The following GOLGA3 variants were observed in gnomAD, a reference collection of about 807,000 sequenced individuals.
GOLGA3 encodes the protein golgin A3.
A neutral mutation model predicts 169.4 loss-of-function variants in GOLGA3; 75 were observed. That is an observed-to-expected ratio of 0.44 (90% confidence interval 0.37 to 0.54). GOLGA3 has a LOEUF of 0.54. GOLGA3 is among the 20% of genes least tolerant of loss of function. The probability of loss-of-function intolerance (pLI) is 0.00; values close to 1 mark genes in which losing one functional copy is unlikely to be tolerated. For missense variants in GOLGA3, 1,899 were observed against 1,930.0 expected (o/e 0.98, Z 0.30); for synonymous variants, 824 against 822.4 (o/e 1.00, Z -0.03).
intron 13 of GOLGA3, among the ~76,000 whole-genome samples, chr12:132,788,537 C>CA (rs1258069753): frequency 6.6e-6 from 1 of 152,176 alleles, no homozygotes; most frequent in African/African-American, 2.4e-5. Context: ...AGAAGCCAGC[C>CA]CAGGCTCAGC....
Position 132,786,488 on chromosome 12 carries a change from T to C in GOLGA3, c.2974A>G (p.Met992Val). 6.2e-7 allele frequency: 1 copy of C among 1,613,640 alleles called. No individual in the cohort carries two copies. The highest frequency in any genetic ancestry group is 8.5e-7 in the Non-Finnish European group (1 of 1,179,948). Residue 992 changes from methionine to valine, a missense_variant, in exon 15 of 24, where the codon ATG (methionine) becomes GTG (valine). Transcript: ENST00000450791. ...GSDLTSAQKEMKTKHKAYENA... is the reference protein window; with the variant it reads ...GSDLTSAQKEVKTKHKAYENA... ...TCGTAGGCCTTATGTTTGGTCTTCA[T>C]CTCCTTCTGGGCGCTGGTCAAGTCT...
rs146456029 is a variant in GOLGA3 at position 132,805,101 on chromosome 12, G to A, written c.1291-79C>T. On this transcript the variant is annotated intron_variant, in intron 6 of 23. Coordinates refer to ENST00000450791, the MANE Select transcript of GOLGA3 (RefSeq NM_001389683.1). ...CAGTGTATTAACAGGAACACAACCA[G>A]CGAGTCAGTCAGGGCCTGACAGGGG... 105 of 1,478,524 alleles carry A rather than the reference G, an allele frequency of 7.1e-5. 1 individual carries two copies. The East Asian group carries it at 2.3e-3, about 33-fold the overall frequency. The allele number at this position is 1,478,524 out of a possible 1,614,324, so 91.6% of individuals were successfully genotyped here.
rs2046156248 is a variant in GOLGA3, at chr12:132,790,247, T to C, written c.2548-957A>G. On this transcript the variant is annotated intron_variant, in intron 12 of 23. Coordinates refer to ENST00000450791, the MANE Select transcript of GOLGA3 (RefSeq NM_001389683.1). The stretch of plus-strand genomic sequence containing the variant: ...TACTCAGGAGGCTGAGGCAAGAGAA[T>C]GGCGTGAACCTGGGAGGCGGAGCTT... Among the ~76,000 whole-genome samples, 7 of 152,258 alleles carry C rather than the reference T, an allele frequency of 4.6e-5. No homozygotes were observed. In the South Asian group the frequency reaches 1.4e-3, roughly 32 times the overall value.
Position 132,813,380 on chromosome 12 carries a change from T to C in GOLGA3, c.446A>G (p.Gln149Arg), listed in dbSNP as rs760656284. The change falls in exon 4 of 24, where the codon CAG becomes CGG. Residue 149 changes from glutamine to arginine, a missense_variant. Transcript: ENST00000450791. ...CCACTTCCGAGCCTGAAGTCGGACCTGCTCCTCCTTCTCCAGGGGCAGGGG... is the reference window on the plus strand; with the variant it reads ...CCACTTCCGAGCCTGAAGTCGGACCCGCTCCTCCTTCTCCAGGGGCAGGGG... ...DSPLPLEKEE[Q>R]VRLQARKWLE... 11 of 1,613,120 alleles carry C rather than the reference T, an allele frequency of 6.8e-6. No individual in the cohort carries two copies. The highest frequency in any genetic ancestry group is 1.3e-5 in the African/African-American group (1 of 74,912).
chr12:132,789,525 G>A (rs149450058), intron 12 of GOLGA3, among the ~76,000 whole-genome samples: 171 of 152,282 alleles, frequency 1.1e-3, no homozygotes, highest in Non-Finnish European at 2.0e-3. Flanking sequence ...CAGTCACACC[G>A]GCCTCATAGA....
At chr12:132,826,054 G>C (rs60196236) in intron 1 of GOLGA3, 6 of 1,369,326 alleles carry the variant, frequency 4.4e-6, no homozygotes, top group Non-Finnish European at 6.3e-6. Flanking sequence ...CCTGCTTCAG[G>C]GACGTCCAGA....
intron 9 of GOLGA3, among the ~76,000 whole-genome samples, chr12:132,797,230 G>A (rs1948891701): frequency 6.6e-6 from 1 of 152,190 alleles, no homozygotes; most frequent in Non-Finnish European, 1.5e-5. Flanking sequence ...ATGCCACAGA[G>A]AGGTGGGAGC....
intron 13 of GOLGA3, among the ~76,000 whole-genome samples, chr12:132,788,742 G>A (rs2046058335): frequency 6.6e-6 from 1 of 152,102 alleles, no homozygotes; most frequent in Non-Finnish European, 1.5e-5. Flanking sequence ...GGAGAAGCTG[G>A]GTGCCTCACG....
chr12:132,782,243 A>G, intron 17 of GOLGA3, 53 bp downstream of exon 17: 2 of 1,430,672 alleles, frequency 1.4e-6, no homozygotes, highest in Admixed American at 3.3e-5. Context: ...GAGTGCGCAC[A>G]GCCCCACCAA....
At chr12:132,808,684 C>A (rs1250731980) in intron 4 of GOLGA3, 135 bp from the exon 5 acceptor site, 2 of 743,516 alleles carry the variant, frequency 2.7e-6, no homozygotes, top group East Asian at 2.5e-5. Context: ...CCCAGCCCCT[C>A]ACCACACAGG....
intron 8 of GOLGA3, among the ~76,000 whole-genome samples, chr12:132,801,437 C>T (rs1033910834): frequency 2.6e-5 from 4 of 151,912 alleles, no homozygotes; most frequent in African/African-American, 4.8e-5. Flanking sequence ...AACACTGTGC[C>T]GAGTCAGGAG....
At position 132,811,075 on chromosome 12, in the gene GOLGA3, G is replaced by A. The variant is rs535505531; in HGVS notation, c.519+2232C>T. 7.3e-4 allele frequency among the ~76,000 whole-genome samples: 111 copies of A among 152,340 alleles called. 1 individual carries two copies. Among genetic ancestry groups the A allele is most frequent in the African/African-American group, 2.6e-3 (107 of 41,568 alleles). ...CCTGTCCAGTGGGCACGTGACCCAC[G>A]TGACCTTACTTATCATTGGAGATGA... On this transcript the variant is annotated intron_variant, in intron 4 of 23. Transcript: ENST00000450791.
In GOLGA3 at chr12:132,791,667, G is replaced by C. The variant is rs111703728; in HGVS notation, c.2470-374C>G. ...AGATGTTACACTGAGGGCTCCAAGA[G>C]GGGGATGCATGTGCATGAATATTAC... On this transcript the variant is annotated intron_variant, in intron 11 of 23. Coordinates refer to ENST00000450791, the MANE Select transcript of GOLGA3 (RefSeq NM_001389683.1). Among the ~76,000 whole-genome samples, 83 of 131,460 alleles carry C rather than the reference G, an allele frequency of 6.3e-4. No homozygotes were observed. The Middle Eastern group carries it at 0.024, about 37-fold the overall frequency. 86.2% of individuals were successfully genotyped at this position (131,460 alleles called of 152,430 possible). A position where few individuals can be genotyped will look rare whatever the true frequency, so the allele number is the denominator to read the frequency against.
At position 132,780,013 on chromosome 12, in the gene GOLGA3, G is replaced by T. The variant is rs541963745; in HGVS notation, c.3582+785C>A. ...ACACACACCCCAGGCACACACGTGC[G>T]CACACACACCACAGCCCTTGCACGG... is the stretch of plus-strand genomic sequence containing the variant. On this transcript the variant is annotated intron_variant, in intron 18 of 23. Transcript: ENST00000450791. Among the ~76,000 whole-genome samples the T allele has an allele frequency of 2.2e-3, 288 of 129,940 alleles. 5 individuals carry two copies. Among genetic ancestry groups the T allele is most frequent in the African/African-American group, 8.8e-3 (280 of 31,928 alleles). 85.2% of individuals were successfully genotyped at this position (129,940 alleles called of 152,430 possible).
intron 15 of GOLGA3, among the ~76,000 whole-genome samples, chr12:132,786,065 G>A (rs1001044700): frequency 2.0e-5 from 3 of 152,242 alleles, no homozygotes; most frequent in African/African-American, 7.2e-5. Flanking sequence ...CCCCAAGGGA[G>A]CAGCTGAACT....
chr12:132,780,324 G>A (rs941101653), intron 18 of GOLGA3, among the ~76,000 whole-genome samples: 3 of 152,194 alleles, frequency 2.0e-5, no homozygotes, highest in Non-Finnish European at 4.4e-5. Context: ...GAGGAGCAGG[G>A]CCCAGACAGG....
In GOLGA3 at chr12:132,777,657, G is replaced by T. The variant is rs1282562172; in HGVS notation, c.3722+9C>A. The T allele has an allele frequency of 6.2e-6, 10 of 1,613,602 alleles. No homozygotes were observed. The highest frequency in any genetic ancestry group is 6.8e-6 in the Non-Finnish European group (8 of 1,179,860). On this transcript the variant is annotated intron_variant, in intron 19 of 23. Coordinates refer to ENST00000450791, the MANE Select transcript of GOLGA3 (RefSeq NM_001389683.1). The surrounding 1 kb of genome is among the most constrained non-coding windows in gnomAD (Gnocchi z 4.7). ...CATGTTTGAGGGCTGGCGGGGCCCA[G>T]GCACTCACTGAAGGTCGTCGGCCTC...
At position 132,796,137 on chromosome 12, in the gene GOLGA3, C is replaced by A; in HGVS notation, c.2184G>T (p.Leu728Phe). Residue 728 changes from leucine (L) to phenylalanine (F), a missense_variant, in exon 11 of 24, where the codon TTG becomes TTT. Physicochemically the swap from Leu to Phe is conservative, Grantham distance 22. Coordinates refer to ENST00000450791, the MANE Select transcript of GOLGA3 (RefSeq NM_001389683.1). Reference protein sequence around the residue: ...EHLDLMKQLTLTQEALQSREQ... With the variant: ...EHLDLMKQLTFTQEALQSREQ... ...CCCTGCTCTGCAGAGCCTCCTGAGT[C>A]AAGGTGAGCTGTTTCATCAGGTCCA... 1 of 1,611,290 alleles carries A rather than the reference C, an allele frequency of 6.2e-7. No individual in the cohort carries two copies. Among genetic ancestry groups the A allele is most frequent in the South Asian group, 1.1e-5 (1 of 91,066 alleles).
At chr12:132,788,905 G>GGCCC in intron 13 of GOLGA3, 122 bp downstream of exon 13, 4 of 381,364 alleles carry the variant, frequency 1.0e-5, no homozygotes, top group South Asian at 5.3e-5. Context: ...CCAGACACAG[G>GGCCC]CCCCGACCCA....
Sources: gnomAD v4.1 joint callset for allele counts (sites outside exome capture counted in the v4.1 genomes callset) on GRCh38, gnomAD v4.1.1 for gene constraint, Gnocchi (gnomAD v3.1) non-coding constraint, MANE v1.5 for transcripts, NCBI Gene and HGNC (gene_info 2026-07-23, HGNC 2026-07-21) for gene names.